GPR19: variants seen among roughly 807,000 people sequenced by gnomAD.
The protein encoded by GPR19 is probable G protein-coupled receptor 19.
A neutral mutation model predicts 28.5 loss-of-function variants in GPR19; 14 were observed. The ratio of observed to expected loss-of-function variants is 0.49; its 90% CI spans 0.32 to 0.77. GPR19 has a LOEUF of 0.77. Ranked by LOEUF, GPR19 falls within the 30% of genes least tolerant of loss-of-function variation. The pLI is 0.03. For synonymous variants in GPR19, 173 were observed against 184.1 expected (o/e 0.94, Z 0.49); for missense variants, 409 against 504.1 (o/e 0.81, Z 1.81).
chr12:12,699,651 T>G (rs1312511475), upstream of GPR19, among the ~76,000 whole-genome samples: 2 of 152,164 alleles, frequency 1.3e-5, no homozygotes, highest in Non-Finnish European at 2.9e-5. Flanking sequence ...GAAGAGAATC[T>G]TCAGCACGAG....
the GPR19 span, among the ~76,000 whole-genome samples, chr12:12,701,268 G>A: frequency 6.6e-6 from 1 of 152,266 alleles, no homozygotes; most frequent in Admixed American, 6.5e-5. Context: ...TTTATATGTT[G>A]CTAAGGTTTT....
At chr12:12,698,589 AT>A (rs1212964683), upstream of GPR19, among the ~76,000 whole-genome samples, 5 of 149,392 alleles carry the variant, frequency 3.3e-5, no homozygotes, top group Admixed American at 2.7e-4. Context: ...ATGATAGGAC[AT>A]TTTTTTCATG....
intron 3 of GPR19, among the ~76,000 whole-genome samples, chr12:12,665,850 AAAAC>A (rs1442783643): frequency 1.6e-4 from 20 of 128,850 alleles, no homozygotes; most frequent in Admixed American, 3.9e-4. Context: ...AAAAAAAAAG[AAAAC>A]AAAGATACGT....
At chr12:12,687,126 T>C (rs1322127260) in intron 2 of GPR19, among the ~76,000 whole-genome samples, 1 of 152,238 alleles carries the variant, frequency 6.6e-6, no homozygotes, top group Non-Finnish European at 1.5e-5. Context: ...ATGAGTAATG[T>C]GATCTTCTCA....
chr12:12,684,399 C>T lies in GPR19; in HGVS notation c.-71G>A, dbSNP rs1160986056. On this transcript the variant is annotated 5_prime_UTR_variant, in exon 3 of 4. It removes the in-frame stop codon of an upstream open reading frame in the 5' UTR. Transcript: ENST00000651487. Reference sequence around the variant, plus strand: ...GACGTTCTCTTTAGATCTTCTTGGTCAGGAATAGCCCTTGCATAGGAGTTT... The same window carrying T: ...GACGTTCTCTTTAGATCTTCTTGGTTAGGAATAGCCCTTGCATAGGAGTTT... 1 of 152,214 alleles carries T rather than the reference C, an allele frequency of 6.6e-6. No homozygotes were observed. Among genetic ancestry groups the T allele is most frequent in the Non-Finnish European group, 1.5e-5 (1 of 68,046 alleles). The allele number at this position is 152,214 out of a possible 1,614,324, so 9.4% of individuals were successfully genotyped here. A position where few individuals can be genotyped will look rare whatever the true frequency, so the allele number is the denominator to read the frequency against.
At chr12:12,697,813 T>C (rs1254938766), upstream of GPR19, among the ~76,000 whole-genome samples, 2 of 152,216 alleles carry the variant, frequency 1.3e-5, no homozygotes, top group African/African-American at 4.8e-5. Flanking sequence ...GCAGCTTGAA[T>C]ACCTTTTAAC....
At chr12:12,662,664 G>A (rs1034201503) in intron 3 of GPR19, among the ~76,000 whole-genome samples, 194 bp from the exon 4 acceptor site, 2 of 152,196 alleles carry the variant, frequency 1.3e-5, no homozygotes, top group Non-Finnish European at 2.9e-5. Context: ...TTTCATTTTA[G>A]GAGCTGTTTC....
intron 3 of GPR19, among the ~76,000 whole-genome samples, chr12:12,665,349 T>A (rs1421295012): frequency 6.6e-6 from 1 of 152,076 alleles, no homozygotes; most frequent in Non-Finnish European, 1.5e-5. Context: ...TTTACACCCA[T>A]GAGTCTGTCT....
chr12:12,703,739 G>C, the GPR19 span, among the ~76,000 whole-genome samples: 1 of 152,170 alleles, frequency 6.6e-6, no homozygotes, highest in South Asian at 2.1e-4. Flanking sequence ...GTGGCTTGGA[G>C]TTGGAGTACT....
At chr12:12,669,402 C>T (rs1945827171) in intron 3 of GPR19, among the ~76,000 whole-genome samples, 1 of 152,172 alleles carries the variant, frequency 6.6e-6, no homozygotes, top group Non-Finnish European at 1.5e-5. Flanking sequence ...ATTGTATTAT[C>T]CCAAGTAGGA....
chr12:12,701,919 C>CAAA, the GPR19 span, among the ~76,000 whole-genome samples: 2 of 96,134 alleles, frequency 2.1e-5, no homozygotes, highest in African/African-American at 7.3e-5. Flanking sequence ...GACCCTGTCT[C>CAAA]AAAAAAAAAA....
chr12:12,698,063 CTG>C (rs1946291155), upstream of GPR19, among the ~76,000 whole-genome samples: 2 of 152,102 alleles, frequency 1.3e-5, no homozygotes, highest in African/African-American at 4.8e-5. Context: ...ATTAAACAAA[CTG>C]AATACTCTCA....
chr12:12,697,952 AG>A (rs1946290448), upstream of GPR19, among the ~76,000 whole-genome samples: 1 of 152,178 alleles, frequency 6.6e-6, no homozygotes, highest in Non-Finnish European at 1.5e-5. Context: ...TTCATCATGA[AG>A]AAAAAAAAAA....
At chr12:12,683,992 G>C (rs1212719572) in intron 3 of GPR19, 2 of 152,214 alleles carry the variant, frequency 1.3e-5, no homozygotes, top group Non-Finnish European at 1.5e-5. Context: ...CATAGAATAA[G>C]CAGCTGAAAA....
At chr12:12,700,161 T>C (rs80070268), upstream of GPR19, among the ~76,000 whole-genome samples, 63 of 145,648 alleles carry the variant, frequency 4.3e-4, no homozygotes, top group African/African-American at 9.7e-4. Context: ...CTCTCTTTCT[T>C]TCTCTCTCTC....
chr12:12,662,196 G>C lies in GPR19; in HGVS notation c.253C>G (p.Leu85Val), dbSNP rs551799909. ...LWLFSIFGNS[L>V]VCLVIHRSRR... ...CTCCTATGGATGACCAAACAAACCA[G>C]GGAATTGCCGAAGATAGAAAACAAC... Residue 85 changes from leucine (L) to valine (V), a missense_variant, in exon 4 of 4, where the codon CTG (leucine) becomes GTG (valine). Physicochemically the swap from Leu to Val is conservative, Grantham distance 32. Transcript: ENST00000651487. 5 of 1,614,084 alleles carry C rather than the reference G, an allele frequency of 3.1e-6. No individual in the cohort carries two copies. Among genetic ancestry groups the C allele is most frequent in the Non-Finnish European group, 4.2e-6 (5 of 1,180,042 alleles).
At chr12:12,715,352 T>C in the GPR19 span, among the ~76,000 whole-genome samples, 2 of 152,340 alleles carry the variant, frequency 1.3e-5, no homozygotes, top group African/African-American at 4.8e-5. Flanking sequence ...CTAAAGAGGA[T>C]GAGACCTCTT....
intron 3 of GPR19, among the ~76,000 whole-genome samples, chr12:12,674,569 A>G (rs1405185975): frequency 2.0e-5 from 3 of 152,214 alleles, no homozygotes; most frequent in African/African-American, 7.2e-5. Flanking sequence ...TGAGAGCAAG[A>G]GAGAAAAAGT....
intron 3 of GPR19, among the ~76,000 whole-genome samples, chr12:12,663,555 A>AG (rs1277848199): frequency 6.6e-6 from 1 of 152,186 alleles, no homozygotes; most frequent in African/African-American, 2.4e-5. Context: ...TTATTCAGTG[A>AG]GAAAAAAAGT....
Sources: allele counts gnomAD v4.1 joint callset (sites outside exome capture counted in the v4.1 genomes callset), GRCh38; gene constraint gnomAD v4.1.1; transcripts MANE v1.5; gene names NCBI Gene and HGNC (gene_info 2026-07-23, HGNC 2026-07-21).